ADAMTS15: variants seen among roughly 807,000 people sequenced by gnomAD.
The protein encoded by ADAMTS15 is ADAM metallopeptidase with thrombospondin type 1 motif 15.
Under a neutral mutation model 79.1 loss-of-function variants are expected in ADAMTS15, and 35 were observed. The ratio of observed to expected loss-of-function variants is 0.44; its 90% confidence interval spans 0.34 to 0.59. The LOEUF is 0.59. ADAMTS15 is among the 20% of genes least tolerant of loss of function. ADAMTS15 has a pLI of 0.02. For synonymous variants in ADAMTS15, 616 were observed against 567.3 expected, an observed-to-expected ratio of 1.09 and a Z score of -1.22; for missense variants, 1,324 against 1,318.7, an observed-to-expected ratio of 1.00 and a Z score of -0.06.
intron 1 of ADAMTS15, among the ~76,000 whole-genome samples, chr11:130,457,598 C>T (rs376730307): frequency 5.3e-5 from 8 of 152,216 alleles, no homozygotes; most frequent in African/African-American, 1.7e-4. Flanking sequence ...TGCTGGGAAT[C>T]GTGAGGCAGG....
chr11:130,473,565 G>C lies in ADAMTS15; in HGVS notation c.2597G>C (p.Cys866Ser). ...GGCCTGCAGAAGCGGGCGGTGGACT[G>C]CCGGGGCTCCGCCGGGCAGCGCACG... ...GSGLQKRAVD[C>S]RGSAGQRTVP... is the part of the protein sequence containing the mutation. Residue 866 changes from cysteine to serine, a missense_variant, in exon 8 of 8, where the codon TGC becomes TCC. Coordinates refer to ENST00000299164, the MANE Select transcript of ADAMTS15 (RefSeq NM_139055.4). 4 of 1,602,982 alleles carry C rather than the reference G, an allele frequency of 2.5e-6. No individual in the cohort carries two copies. Among genetic ancestry groups the C allele is most frequent in the Non-Finnish European group, 2.6e-6 (3 of 1,173,904 alleles).
Position 130,449,082 on chromosome 11 carries a change from G to A in ADAMTS15, c.109G>A (p.Gly37Ser). The change falls in exon 1 of 8, where the codon GGC becomes AGC. Residue 37 changes from glycine to serine, a missense_variant. Gly to Ser is a moderately conservative substitution (Grantham distance 56). Coordinates refer to ENST00000299164, the MANE Select transcript of ADAMTS15 (RefSeq NM_139055.4). This position sits in a 1 kb window ranked among gnomAD's most constrained non-coding sequence, Gnocchi z 7.8. ...VPIRLDPDIN[G>S]RRYYWRGPED... ...CATCCGACTGGACCCGGACATTAAC[G>A]GCCGCCGCTACTACTGGCGGGGTCC... The A allele has an allele frequency of 1.3e-6, 2 of 1,578,142 alleles. No homozygotes were observed. The highest frequency in any genetic ancestry group is 4.5e-5 in the East Asian group (2 of 44,186).
At chr11:130,452,329 C>T (rs554432952) in intron 1 of ADAMTS15, among the ~76,000 whole-genome samples, 45 of 152,312 alleles carry the variant, frequency 3.0e-4, no homozygotes, top group African/African-American at 9.9e-4. Context: ...TCTGATTTTG[C>T]AAAGTGATCG....
At chr11:130,470,210 GTA>G (rs3063488) in intron 5 of ADAMTS15, among the ~76,000 whole-genome samples, 2,387 of 32,702 alleles carry the variant, frequency 0.073, 166 homozygotes, top group African/African-American at 0.11. Flanking sequence ...ATATATATAT[GTA>G]TATATATATA....
chr11:130,465,336 G>A (rs913383742), intron 4 of ADAMTS15, among the ~76,000 whole-genome samples: 1 of 152,140 alleles, frequency 6.6e-6, no homozygotes, highest in South Asian at 2.1e-4. Flanking sequence ...TGCTTTGCGC[G>A]GGAACCCCAT....
At chr11:130,465,888 T>A (rs1284546050) in intron 4 of ADAMTS15, among the ~76,000 whole-genome samples, 9 of 144,060 alleles carry the variant, frequency 6.2e-5, no homozygotes, top group African/African-American at 1.6e-4. Context: ...TTTTTTTTTT[T>A]AAGACAAGAG....
At position 130,471,084 on chromosome 11, in the gene ADAMTS15, T is replaced by C. The variant is rs1173468552; in HGVS notation, c.1885T>C (p.Tyr629His). 3 of 1,613,644 alleles carry C rather than the reference T, an allele frequency of 1.9e-6. No homozygotes were observed. The highest frequency in any genetic ancestry group is 1.7e-4 in the Middle Eastern group (1 of 6,058). Residue 629 changes from tyrosine to histidine, a missense_variant, in exon 6 of 8, where the codon TAT becomes CAT. Physicochemically the swap from Tyr to His is moderately conservative, Grantham distance 83. Transcript: ENST00000299164. Reference sequence around the variant, plus strand: ...CCGAGCCAATGGCACTGGCTACTTCTATGTGCTGGCACCCAAGGTGAGTGA... The same window carrying C: ...CCGAGCCAATGGCACTGGCTACTTCCATGTGCTGGCACCCAAGGTGAGTGA... The part of the protein sequence containing the change: ...ICRANGTGYF[Y>H]VLAPKVVDGT...
intron 1 of ADAMTS15, among the ~76,000 whole-genome samples, chr11:130,456,783 A>C (rs1938089468): frequency 6.6e-6 from 1 of 152,152 alleles, no homozygotes; most frequent in Admixed American, 6.5e-5. Flanking sequence ...CAGTTTCCTC[A>C]TCCGCAGCAT....
At chr11:130,470,773 A>T in intron 5 of ADAMTS15, 147 bp from the exon 6 acceptor site, 2 of 882,846 alleles carry the variant, frequency 2.3e-6, no homozygotes, top group Non-Finnish European at 3.5e-6. Flanking sequence ...AGCCTGCTTT[A>T]GTGCTTTCAG....
chr11:130,462,780 GGTGA>G lies in ADAMTS15; in HGVS notation c.1542+8_1542+11del, dbSNP rs771740345. 3.8e-6 allele frequency: 6 copies of G among 1,583,628 alleles called. No homozygotes were observed. The highest frequency in any genetic ancestry group is 5.2e-6 in the Non-Finnish European group (6 of 1,157,774). The stretch of plus-strand genomic sequence containing the variant: ...AGAGACACAACCTCAACAAGCACAG[GGTGA>G]GTGAGTGCTGGAGCTGCGCTCGGGG... On this transcript the variant is annotated splice_donor_variant and splice_donor_region_variant and intron_variant, in intron 4 of 7. Transcript: ENST00000299164. LOFTEE classifies it high-confidence loss of function. The surrounding 1 kb of genome is among the most constrained non-coding windows in gnomAD (Gnocchi z 4.3).
Position 130,473,190 on chromosome 11 carries a change from T to G in ADAMTS15, c.2222T>G (p.Phe741Cys). Residue 741 changes from phenylalanine to cysteine, a missense_variant, in exon 8 of 8, where the codon TTC becomes TGC. Physicochemically the swap from Phe to Cys is radical, Grantham distance 205. Transcript: ENST00000299164. ...GGCAAGTACCTGCTCAACGGGCATT[T>G]CGTGGTGTCGGCGGTGGAGCGGGAC... ...SQGKYLLNGH[F>C]VVSAVERDLV... is the part of the protein sequence containing the mutation. 6.2e-7 allele frequency: 1 copy of G among 1,614,062 alleles called. No individual in the cohort carries two copies. The highest frequency in any genetic ancestry group is 8.5e-7 in the Non-Finnish European group (1 of 1,180,038).
chr11:130,448,942 T>G lies in ADAMTS15; in HGVS notation c.-32T>G. ...GGCCGGAGAGCCCGGCCCAGCCCCT[T>G]CCCACAGCGCGGCGGTGCGCTGCCC... On this transcript the variant is annotated 5_prime_UTR_variant, in exon 1 of 8. Transcript: ENST00000299164. 6.8e-7 allele frequency: 1 copy of G among 1,469,158 alleles called. No individual in the cohort carries two copies. Among genetic ancestry groups the G allele is most frequent in the East Asian group, 2.4e-5 (1 of 41,766 alleles). 91.0% of individuals were successfully genotyped at this position (1,469,158 alleles called of 1,614,324 possible).
Position 130,449,439 on chromosome 11 carries a change from C to G in ADAMTS15, c.466C>G (p.Leu156Val). 6.3e-7 allele frequency: 1 copy of G among 1,589,050 alleles called. No individual in the cohort carries two copies. The highest frequency in any genetic ancestry group is 1.1e-5 in the South Asian group (1 of 90,350). The change falls in exon 1 of 8, where the codon CTT (leucine) becomes GTT (valine). Residue 156 changes from leucine (L) to valine (V), a missense_variant. Physicochemically the swap from Leu to Val is conservative, Grantham distance 32. Transcript: ENST00000299164. This position sits in a 1 kb window ranked among gnomAD's most constrained non-coding sequence, Gnocchi z 7.8. Reference sequence around the variant, plus strand: ...GCAGCGCAACAGCCAGGGCGCACACCTTCTCCAGCGCCGGGGTGTTCCGGG... The same window carrying G: ...GCAGCGCAACAGCCAGGGCGCACACGTTCTCCAGCGCCGGGGTGTTCCGGG... ...AAQRNSQGAH[L>V]LQRRGVPGGP...
chr11:130,453,399 C>A (rs891473875), intron 1 of ADAMTS15, among the ~76,000 whole-genome samples: 1 of 144,266 alleles, frequency 6.9e-6, no homozygotes, highest in Non-Finnish European at 1.5e-5. Context: ...TCATTTATTT[C>A]TTTATTTTTT....
chr11:130,460,281 T>G (rs1938172671), intron 1 of ADAMTS15, among the ~76,000 whole-genome samples: 1 of 151,386 alleles, frequency 6.6e-6, no homozygotes, highest in South Asian at 2.1e-4. Context: ...TCTTCTGTTT[T>G]TTTTTTTTTT....
intron 1 of ADAMTS15, among the ~76,000 whole-genome samples, 157 bp from the exon 2 acceptor site, chr11:130,461,332 C>A (rs1399744220): frequency 6.6e-6 from 1 of 152,140 alleles, no homozygotes; most frequent in Non-Finnish European, 1.5e-5. Context: ...GCCCCACAAC[C>A]TCCTAGGAAG....
chr11:130,449,692 A>T lies in ADAMTS15; in HGVS notation c.719A>T (p.His240Leu). 3.1e-6 allele frequency: 5 copies of T among 1,608,132 alleles called. No homozygotes were observed. Among genetic ancestry groups the T allele is most frequent in the Non-Finnish European group, 4.2e-6 (5 of 1,177,346 alleles). The change falls in exon 1 of 8, where the codon CAT (histidine) becomes CTT (leucine). Residue 240 changes from histidine to leucine, a missense_variant. By Grantham distance (99) the His-to-Leu change is moderately conservative. Coordinates refer to ENST00000299164, the MANE Select transcript of ADAMTS15 (RefSeq NM_139055.4). The surrounding 1 kb of genome is among the most constrained non-coding windows in gnomAD (Gnocchi z 7.8). ...MVKFHGADLE[H>L]YLLTLLATAA... ...AAGTTCCACGGCGCGGACCTGGAAC[A>T]TTATCTGCTGACGCTGCTGGCAACG...
Position 130,474,124 on chromosome 11 carries a change from G to T in ADAMTS15, c.*303G>T. 3.1e-6 allele frequency: 1 copy of T among 323,268 alleles called. No individual in the cohort carries two copies. The highest frequency in any genetic ancestry group is 5.6e-6 in the Non-Finnish European group (1 of 177,116). 20.0% of individuals were successfully genotyped at this position (323,268 alleles called of 1,614,324 possible). ...CCAGTTTCCAAGGAACTTGGAGGAT[G>T]GGCACCTTCCAGGCAGAACTTCAGG... On this transcript the variant is annotated 3_prime_UTR_variant, in exon 8 of 8. Coordinates refer to ENST00000299164, the MANE Select transcript of ADAMTS15 (RefSeq NM_139055.4).
intron 1 of ADAMTS15, among the ~76,000 whole-genome samples, chr11:130,460,624 C>T (rs533149371): frequency 2.0e-5 from 3 of 152,298 alleles, no homozygotes; most frequent in Admixed American, 6.5e-5. Flanking sequence ...AATGTCTTAT[C>T]CTATTTCCAA....
Sources: gnomAD v4.1 joint callset for allele counts (sites outside exome capture counted in the v4.1 genomes callset) on GRCh38, gnomAD v4.1.1 for gene constraint, Gnocchi (gnomAD v3.1) non-coding constraint, MANE v1.5 for transcripts, NCBI Gene and HGNC (gene_info 2026-07-23, HGNC 2026-07-21) for gene names.